Variants in CNTNAP5 observed in about 807,000 individuals in gnomAD.
CNTNAP5 encodes contactin-associated protein-like 5.
CNTNAP5 carries 72 observed loss-of-function variants against 150.2 expected under a neutral mutation model. The ratio of observed to expected loss-of-function variants is 0.48; its 90% CI spans 0.40 to 0.58. CNTNAP5 has a LOEUF of 0.58. Among genes scored for constraint, CNTNAP5 ranks in the 20% least tolerant of loss-of-function variants. CNTNAP5 has a pLI of 0.00. For synonymous variants in CNTNAP5, 672 were observed against 619.8 expected (o/e 1.08, Z -1.25); for missense variants, 1,636 against 1,626.2 (o/e 1.01, Z -0.10).
intron 21 of CNTNAP5, among the ~76,000 whole-genome samples, chr2:124,884,140 G>A (rs527413692): frequency 1.9e-4 from 29 of 152,136 alleles, no homozygotes; most frequent in African/African-American, 6.7e-4. Flanking sequence ...CTATGTATAT[G>A]TGTATTTGAA....
At chr2:124,374,115 A>G (rs1690592653) in intron 3 of CNTNAP5, among the ~76,000 whole-genome samples, 1 of 152,108 alleles carries the variant, frequency 6.6e-6, no homozygotes. Context: ...CTGGTACTAT[A>G]TTTAAGTAAA....
At chr2:124,320,805 G>C (rs1242599114) in intron 3 of CNTNAP5, among the ~76,000 whole-genome samples, 1 of 152,188 alleles carries the variant, frequency 6.6e-6, no homozygotes, top group Non-Finnish European at 1.5e-5. Flanking sequence ...CTGTGTGTGT[G>C]TGTGTGACCC....
chr2:124,844,732 A>G (rs769976212), intron 19 of CNTNAP5, among the ~76,000 whole-genome samples: 15 of 151,784 alleles, frequency 9.9e-5, no homozygotes, highest in Non-Finnish European at 1.9e-4. Flanking sequence ...TTTTCCACCA[A>G]TGTGAAATGG....
chr2:124,198,658 A>G (rs1340722866), intron 1 of CNTNAP5, among the ~76,000 whole-genome samples: 1 of 152,142 alleles, frequency 6.6e-6, no homozygotes, highest in Non-Finnish European at 1.5e-5. Context: ...ACATAGGGGA[A>G]TTAGTCCATT....
intron 14 of CNTNAP5, among the ~76,000 whole-genome samples, chr2:124,747,638 T>G (rs1410218487): frequency 8.3e-5 from 5 of 60,136 alleles, no homozygotes; most frequent in African/African-American, 2.2e-4. Context: ...TTTTTTTTTT[T>G]GAGACAGAGT....
At chr2:124,681,587 G>A (rs564468782) in intron 13 of CNTNAP5, among the ~76,000 whole-genome samples, 6 of 152,004 alleles carry the variant, frequency 3.9e-5, no homozygotes, top group Non-Finnish European at 5.9e-5. Flanking sequence ...GTTTTGAGAC[G>A]GAGTTTCACA....
intron 10 of CNTNAP5, among the ~76,000 whole-genome samples, chr2:124,533,405 C>A (rs533989637): frequency 1.3e-5 from 2 of 152,076 alleles, no homozygotes; most frequent in Non-Finnish European, 2.9e-5. Flanking sequence ...CTAAGAAATT[C>A]GTGTGTGATG....
At chr2:124,641,763 G>C (rs10171649) in intron 12 of CNTNAP5, among the ~76,000 whole-genome samples, 12,346 of 152,230 alleles carry the variant, frequency 0.081, 664 homozygotes, top group African/African-American at 0.15. Flanking sequence ...ATTAAGCTGG[G>C]TATTGACAAT....
chr2:124,514,068 G>A lies in CNTNAP5; in HGVS notation c.1327+9512G>A, dbSNP rs573312493. ...ATTAGCAAGGGCAAAAAAGTGGATAGCCACAGGGCTGTGACTGTCACAACA... is the reference window on the plus strand; with the variant it reads ...ATTAGCAAGGGCAAAAAAGTGGATAACCACAGGGCTGTGACTGTCACAACA... On this transcript the variant is annotated intron_variant, in intron 8 of 23. Transcript: ENST00000682447. Among the ~76,000 whole-genome samples, 61 of 152,332 alleles carry A rather than the reference G, an allele frequency of 4.0e-4. No individual in the cohort carries two copies. In the Middle Eastern group the frequency reaches 0.014, roughly 34 times the overall value.
At chr2:124,070,396 GAAAAAAAAAA>G (rs70996039) in intron 1 of CNTNAP5, among the ~76,000 whole-genome samples, 4 of 72,960 alleles carry the variant, frequency 5.5e-5, no homozygotes, top group Admixed American at 1.7e-4. Context: ...GCTGAATGGG[GAAAAAAAAAA>G]AAAAAAAAAA....
At chr2:124,826,398 G>A (rs1469572726) in intron 19 of CNTNAP5, among the ~76,000 whole-genome samples, 3 of 152,056 alleles carry the variant, frequency 2.0e-5, no homozygotes, top group Non-Finnish European at 4.4e-5. Context: ...AGAAAACTCA[G>A]GGATGAGTGG....
intron 1 of CNTNAP5, among the ~76,000 whole-genome samples, chr2:124,035,025 C>A (rs145808384): frequency 0.29 from 10,472 of 35,826 alleles, 564 homozygotes; most frequent in Non-Finnish European, 0.42. Flanking sequence ...TCCCTCCCTT[C>A]CTTCCTTCCT....
chr2:124,631,496 G>T (rs1373860729), intron 12 of CNTNAP5, among the ~76,000 whole-genome samples: 2 of 151,942 alleles, frequency 1.3e-5, no homozygotes, highest in Non-Finnish European at 2.9e-5. Flanking sequence ...ATTTAATAAG[G>T]TGCTGGGAGA....
At chr2:124,748,973 A>G (rs775565310) in intron 14 of CNTNAP5, among the ~76,000 whole-genome samples, 30 of 152,114 alleles carry the variant, frequency 2.0e-4, no homozygotes, top group Admixed American at 5.9e-4. Context: ...CTACAAACCA[A>G]CTATGATTTG....
intron 12 of CNTNAP5, among the ~76,000 whole-genome samples, chr2:124,642,822 C>T (rs1394141): frequency 0.5 from 76,781 of 152,060 alleles, 20,684 homozygotes; most frequent in Non-Finnish European, 0.62. Flanking sequence ...ATGAATTATG[C>T]ATTTCATGTC....
intron 19 of CNTNAP5, among the ~76,000 whole-genome samples, chr2:124,833,430 G>T (rs6716689): frequency 6.6e-6 from 1 of 152,006 alleles, no homozygotes; most frequent in African/African-American, 2.4e-5. Context: ...TGTTCCAAAT[G>T]GTCCTTATCT....
chr2:124,565,701 G>T (rs557580963), intron 11 of CNTNAP5, among the ~76,000 whole-genome samples: 2 of 142,872 alleles, frequency 1.4e-5, no homozygotes, highest in Non-Finnish European at 3.0e-5. Flanking sequence ...CCAGGTTCAC[G>T]CCATTCTCCT....
intron 1 of CNTNAP5, among the ~76,000 whole-genome samples, chr2:124,214,489 T>C (rs1686106314): frequency 1.3e-5 from 2 of 152,168 alleles, no homozygotes; most frequent in African/African-American, 4.8e-5. Context: ...ACTTTTACTC[T>C]CTGCAAAGCC....
intron 16 of CNTNAP5, among the ~76,000 whole-genome samples, chr2:124,765,961 A>C (rs1681059924): frequency 6.6e-6 from 1 of 151,686 alleles, no homozygotes; most frequent in Non-Finnish European, 1.5e-5. Context: ...TGTCTCAGAA[A>C]AAAAAAATAG....
Sources: allele counts gnomAD v4.1 joint callset (sites outside exome capture counted in the v4.1 genomes callset), GRCh38; gene constraint gnomAD v4.1.1; transcripts MANE v1.5; gene names NCBI Gene and HGNC (gene_info 2026-07-23, HGNC 2026-07-21).